MAN1B1: variants seen among roughly 807,000 people sequenced by gnomAD.
MAN1B1 encodes endoplasmic reticulum mannosyl-oligosaccharide 1,2-alpha-mannosidase.
In MAN1B1, 66 loss-of-function variants were observed where a neutral mutation model predicts 75.5. That is an observed-to-expected ratio of 0.87 (90% CI 0.72 to 1.07). The LOEUF (loss-of-function observed/expected upper bound fraction) is 1.07. Ranked by LOEUF, MAN1B1 falls within the 50% of genes least tolerant of loss-of-function variation. The probability of loss-of-function intolerance (pLI) is 0.00; values close to 1 mark genes in which losing one functional copy is unlikely to be tolerated. For synonymous variants in MAN1B1, 453 were observed against 382.8 expected (o/e 1.18, Z -2.14); for missense variants, 973 against 912.5 (o/e 1.07, Z -0.85).
At position 137,108,367 on chromosome 9, in the gene MAN1B1, G is replaced by A. The variant is rs369843704; in HGVS notation, c.1897-21G>A. 2.9e-4 allele frequency: 467 copies of A among 1,610,120 alleles called. 2 individuals carry two copies. Among genetic ancestry groups the A allele is most frequent in the Non-Finnish European group, 3.6e-4 (423 of 1,177,044 alleles). ...TGCAGGGTGCCCCCCGTGTGGTGACGAGGCCCTGGCTGCTGCACAGGTCCC... is the reference window on the plus strand; with the variant it reads ...TGCAGGGTGCCCCCCGTGTGGTGACAAGGCCCTGGCTGCTGCACAGGTCCC... On this transcript the variant is annotated intron_variant, in intron 12 of 12. Transcript: ENST00000371589.
rs935467562 is a variant in MAN1B1 at position 137,088,100 on chromosome 9, A to G, written c.245A>G (p.Gln82Arg). The G allele has an allele frequency of 7.4e-6, 12 of 1,613,994 alleles. No individual in the cohort carries two copies. Among genetic ancestry groups the G allele is most frequent in the Non-Finnish European group, 1.0e-5 (12 of 1,179,958 alleles). The change falls in exon 2 of 13, where the codon CAG becomes CGG. Residue 82 changes from glutamine (Q) to arginine (R), a missense_variant. Physicochemically the swap from Gln to Arg is conservative, Grantham distance 43 (BLOSUM62 1). Transcript: ENST00000371589. ...AAATGGAAGCAACTGTCGAGATTGC[A>G]GCGGAATATGATTCTCTTCCTCCTT... ...WRKWKQLSRL[Q>R]RNMILFLLAF...
At chr9:137,102,392 G>C (rs1216505056) in intron 8 of MAN1B1, 1 of 423,914 alleles carries the variant, frequency 2.4e-6, no homozygotes, top group East Asian at 7.6e-5. Context: ...GGTCAGTGCT[G>C]TTACACACGC....
chr9:137,104,010 C>T (rs1041200186), intron 8 of MAN1B1: 81 of 454,660 alleles, frequency 1.8e-4, no homozygotes, highest in Admixed American at 1.4e-3. Context: ...GTTACATTCA[C>T]GCTGTTGCAG....
chr9:137,098,685 G>A (rs1830724518), intron 5 of MAN1B1, among the ~76,000 whole-genome samples: 1 of 152,152 alleles, frequency 6.6e-6, no homozygotes, highest in Non-Finnish European at 1.5e-5. Flanking sequence ...GTGGTTTGGT[G>A]CCGTTACACA....
In MAN1B1 at chr9:137,107,520, TCCG is replaced by T; in HGVS notation, c.1765-8_1765-6del. 6.2e-7 allele frequency: 1 copy of T among 1,612,932 alleles called. No homozygotes were observed. The highest frequency in any genetic ancestry group is 8.5e-7 in the Non-Finnish European group (1 of 1,179,976). The stretch of plus-strand genomic sequence containing the variant: ...GGGCTGGCCTTGCCCTGAGCTCTGC[TCCG>T]CCCACAGCCAGCAGACAGGCACAAC... On this transcript the variant is annotated splice_polypyrimidine_tract_variant and splice_region_variant and intron_variant, in intron 11 of 12. Transcript: ENST00000371589.
chr9:137,106,224 C>T lies in MAN1B1; in HGVS notation c.1354C>T (p.His452Tyr). ...CAATACCCACAGTGGCCTCTTCACC[C>T]ACCTGGGCGTATTCACGCTGGGCGC... Reference protein sequence around the residue: ...FINTHSGLFTHLGVFTLGARA... With the variant: ...FINTHSGLFTYLGVFTLGARA... Residue 452 changes from histidine (H) to tyrosine (Y), a missense_variant, in exon 9 of 13, where the codon CAC becomes TAC. His to Tyr is a moderately conservative substitution (Grantham distance 83). Transcript: ENST00000371589. 1 of 1,607,736 alleles carries T rather than the reference C, an allele frequency of 6.2e-7. No homozygotes were observed. Among genetic ancestry groups the T allele is most frequent in the Middle Eastern group, 1.7e-4 (1 of 6,024 alleles).
chr9:137,106,105 CA>C lies in MAN1B1; in HGVS notation c.1255-19del. 1 of 1,608,014 alleles carries C rather than the reference CA, an allele frequency of 6.2e-7. No homozygotes were observed. Among genetic ancestry groups the C allele is most frequent in the Non-Finnish European group, 8.5e-7 (1 of 1,175,830 alleles). The stretch of plus-strand genomic sequence containing the variant: ...GCTCGGCCCTGGCCAGTAAACCCAC[CA>C]TCCCCCTTTCTGCCGCAGGAGGCAG... On this transcript the variant is annotated intron_variant, in intron 8 of 12. Coordinates refer to ENST00000371589, the MANE Select transcript of MAN1B1 (RefSeq NM_016219.5).
Position 137,097,932 on chromosome 9 carries a change from C to T in MAN1B1, c.725C>T (p.Thr242Ile). 1.3e-6 allele frequency: 2 copies of T among 1,555,182 alleles called. No individual in the cohort carries two copies. Among genetic ancestry groups the T allele is most frequent in the Non-Finnish European group, 1.7e-6 (2 of 1,149,476 alleles). Residue 242 changes from threonine (T) to isoleucine (I), a missense_variant, in exon 5 of 13, where the codon ACA (threonine) becomes ATA (isoleucine). Physicochemically the swap from Thr to Ile is moderately conservative, Grantham distance 89 (BLOSUM62 -1). Coordinates refer to ENST00000371589, the MANE Select transcript of MAN1B1 (RefSeq NM_016219.5). The part of the protein sequence containing the change: ...PPLPPARTQG[T>I]PVHLNYRQKG... ...CTGCCACCGGCCAGGACACAGGGCA[C>T]ACCAGGTGAGGCCACACCTGCACCC...
chr9:137,103,318 G>T (rs201336781), intron 8 of MAN1B1: 1 of 445,096 alleles, frequency 2.2e-6, no homozygotes, highest in Non-Finnish European at 4.5e-6. Context: ...TTGCAGGCGT[G>T]CAGGTCGGTG....
intron 5 of MAN1B1, among the ~76,000 whole-genome samples, chr9:137,098,787 C>CT (rs1469160836): frequency 2.6e-5 from 4 of 152,044 alleles, no homozygotes; most frequent in Non-Finnish European, 5.9e-5. Context: ...AGAAGGATCT[C>CT]TTGAGTCCAG....
Position 137,108,588 on chromosome 9 carries a change from C to T in MAN1B1, c.2097C>T (p.Ala699=), listed in dbSNP as rs200428341. The T allele has an allele frequency of 9.9e-6, 16 of 1,613,686 alleles. No individual in the cohort carries two copies. In the African/African-American group the frequency reaches 1.6e-4, roughly 16 times the overall value. ...ACCCTCTGCCTATCTGGACCCCTGC[C>T]TAGGGTGGATGGCTGCTGGTGTGGG... is the stretch of plus-strand genomic sequence containing the variant. ...EAHPLPIWTP[A] Residue 699 remains alanine (A), a synonymous_variant, in exon 13 of 13, where the codon GCC becomes GCT. Coordinates refer to ENST00000371589, the MANE Select transcript of MAN1B1 (RefSeq NM_016219.5).
intron 1 of MAN1B1, 41 bp from the exon 2 acceptor site, chr9:137,088,034 A>G: frequency 7.0e-7 from 1 of 1,437,382 alleles, no homozygotes; most frequent in South Asian, 1.1e-5. Context: ...GTTCCGTGTG[A>G]TATATTCAGT....
At chr9:137,098,002 C>A in intron 5 of MAN1B1, 65 bp downstream of exon 5, 1 of 1,287,114 alleles carries the variant, frequency 7.8e-7, no homozygotes, top group Non-Finnish European at 1.1e-6. Flanking sequence ...TGGGTGCAGG[C>A]TTCGTCTCAG....
intron 4 of MAN1B1, 123 bp downstream of exon 4, chr9:137,096,514 A>T: frequency 2.3e-6 from 3 of 1,303,418 alleles, no homozygotes; most frequent in Non-Finnish European, 3.2e-6. Flanking sequence ...TATGCTCTGT[A>T]ATCTGTCCTC....
chr9:137,089,399 G>A (rs1830463041), intron 3 of MAN1B1: 3 of 312,470 alleles, frequency 9.6e-6, no homozygotes, highest in South Asian at 8.5e-5. Context: ...TGAGGGTTCA[G>A]GGGAGGCCGT....
rs548567381 is a variant in MAN1B1 at position 137,108,891 on chromosome 9, G to A, written c.*300G>A. ...GCAGGTCTCTGTGGGCCGACCAGAG[G>A]GGGGCTTCGAGGTGGTCCCTGGTAC... On this transcript the variant is annotated 3_prime_UTR_variant, in exon 13 of 13. Coordinates refer to ENST00000371589, the MANE Select transcript of MAN1B1 (RefSeq NM_016219.5). 5.4e-6 allele frequency: 3 copies of A among 555,474 alleles called. No individual in the cohort carries two copies. The highest frequency in any genetic ancestry group is 3.7e-5 in the African/African-American group (2 of 53,476). 34.4% of individuals were successfully genotyped at this position (555,474 alleles called of 1,614,324 possible).
intron 3 of MAN1B1, among the ~76,000 whole-genome samples, chr9:137,092,755 G>A (rs565693849): frequency 6.6e-6 from 1 of 152,266 alleles, no homozygotes; most frequent in East Asian, 1.9e-4. Flanking sequence ...GGGCATTCTC[G>A]TGTCGGCAAT....
At chr9:137,087,919 G>C (rs1172687086) in intron 1 of MAN1B1, among the ~76,000 whole-genome samples, 156 bp from the exon 2 acceptor site, 1 of 151,866 alleles carries the variant, frequency 6.6e-6, no homozygotes, top group Non-Finnish European at 1.5e-5. Context: ...CAGCCTAGGT[G>C]TAACAGAATG....
chr9:137,097,422 T>C (rs2131005607), intron 4 of MAN1B1, among the ~76,000 whole-genome samples: 1 of 152,330 alleles, frequency 6.6e-6, no homozygotes, highest in South Asian at 2.1e-4. Flanking sequence ...TGAGTGGCCA[T>C]GCGTCTCGTG....
Sources: allele counts gnomAD v4.1 joint callset (sites outside exome capture counted in the v4.1 genomes callset), GRCh38; gene constraint gnomAD v4.1.1; transcripts MANE v1.5; gene names NCBI Gene and HGNC (gene_info 2026-07-23, HGNC 2026-07-21).